Variants in COL23A1 observed in about 807,000 individuals in gnomAD.
COL23A1 encodes collagen alpha-1(XXIII) chain.
In COL23A1, 97 loss-of-function variants were observed where a neutral mutation model predicts 99.3. The ratio of observed to expected loss-of-function variants is 0.98; its 90% confidence interval spans 0.83 to 1.16. COL23A1 has a LOEUF of 1.16. Among genes scored for constraint, COL23A1 ranks in the 50% most tolerant of loss-of-function variants. The pLI, the probability that COL23A1 is intolerant of heterozygous loss-of-function variation, is 0.00. For missense variants in COL23A1, 762 were observed against 757.4 expected, an observed-to-expected ratio of 1.01 and a Z score of -0.07; for synonymous variants, 320 against 308.2, an observed-to-expected ratio of 1.04 and a Z score of -0.40.
chr5:178,441,865 A>G (rs189815326), intron 2 of COL23A1, among the ~76,000 whole-genome samples: 30 of 152,152 alleles, frequency 2.0e-4, no homozygotes, highest in African/African-American at 6.7e-4. Flanking sequence ...AATGAAGGAA[A>G]CCTGTGGGCC....
chr5:178,367,146 G>T (rs1172654561), intron 2 of COL23A1, among the ~76,000 whole-genome samples: 1 of 152,208 alleles, frequency 6.6e-6, no homozygotes, highest in South Asian at 2.1e-4. Context: ...ATCGTTATCT[G>T]AGGGTATCAC....
rs752890318 is a variant in COL23A1 at position 178,242,062 on chromosome 5, GGCCT to G, written c.1557_1560del (p.Gly520TrpfsTer47). Reference sequence around the variant, plus strand: ...CCTACCACGGGACACGGCTGGTCCAGGCCTGGTGGTCCCGGCTCGCCCTTCTGGC... The same window carrying G: ...CCTACCACGGGACACGGCTGGTCCAGGGTGGTCCCGGCTCGCCCTTCTGGC... On this transcript the variant is annotated frameshift_variant, in exon 27 of 29. Transcript: ENST00000390654. LOFTEE classifies it high-confidence loss of function. 6 of 1,554,798 alleles carry G rather than the reference GGCCT, an allele frequency of 3.9e-6. No individual in the cohort carries two copies. In the South Asian group the frequency reaches 5.9e-5, roughly 15 times the overall value.
chr5:178,530,700 T>A (rs1382876046), intron 2 of COL23A1, among the ~76,000 whole-genome samples: 1 of 151,104 alleles, frequency 6.6e-6, no homozygotes, highest in Non-Finnish European at 1.5e-5. Context: ...TCCCTCCGGC[T>A]GAGGTCCCTG....
chr5:178,559,508 G>A (rs1017264579), intron 2 of COL23A1, among the ~76,000 whole-genome samples: 28 of 147,014 alleles, frequency 1.9e-4, no homozygotes, highest in African/African-American at 6.2e-4. Context: ...CCTGCACATC[G>A]AGAAGTCTGA....
intron 2 of COL23A1, among the ~76,000 whole-genome samples, chr5:178,489,517 AT>A (rs1757814883): frequency 6.6e-6 from 1 of 152,164 alleles, no homozygotes; most frequent in South Asian, 2.1e-4. Flanking sequence ...TCTCTTTCAC[AT>A]GTATCCTGTT....
chr5:178,318,764 T>C (rs1171323607), intron 2 of COL23A1, among the ~76,000 whole-genome samples: 1 of 151,968 alleles, frequency 6.6e-6, no homozygotes, highest in Non-Finnish European at 1.5e-5. Flanking sequence ...TAGCCGGGTG[T>C]GGTGGCGGGC....
intron 2 of COL23A1, among the ~76,000 whole-genome samples, chr5:178,360,929 C>T (rs1043086995): frequency 6.6e-6 from 1 of 152,138 alleles, no homozygotes; most frequent in African/African-American, 2.4e-5. Flanking sequence ...CAGGCCAACA[C>T]GACGCTGAAG....
At chr5:178,588,337 G>C (rs139680107) in intron 1 of COL23A1, among the ~76,000 whole-genome samples, 1 of 152,326 alleles carries the variant, frequency 6.6e-6, no homozygotes, top group African/African-American at 2.4e-5. Flanking sequence ...GACACAATTT[G>C]TAGTTCCTTG....
intron 2 of COL23A1, among the ~76,000 whole-genome samples, chr5:178,515,803 C>T (rs1370745581): frequency 1.3e-5 from 2 of 152,136 alleles, no homozygotes; most frequent in Non-Finnish European, 2.9e-5. Flanking sequence ...CACTCGCCTG[C>T]TCTCCTTCCC....
At chr5:178,550,663 G>A (rs1012098201) in intron 2 of COL23A1, among the ~76,000 whole-genome samples, 6 of 152,104 alleles carry the variant, frequency 3.9e-5, no homozygotes, top group African/African-American at 1.4e-4. Flanking sequence ...AAGAAGTCAG[G>A]TAAGAAGCCA....
At chr5:178,357,885 G>GTGTGTGTGTATGTGTGTCTAA (rs1761788905) in intron 2 of COL23A1, among the ~76,000 whole-genome samples, 6 of 103,656 alleles carry the variant, frequency 5.8e-5, no homozygotes, top group Middle Eastern at 0.013. Flanking sequence ...GCATGTGTAC[G>GTGTGTGTGTATGTGTGTCTAA]TGTGTGTGTA....
chr5:178,526,034 G>A (rs534699427), intron 2 of COL23A1, among the ~76,000 whole-genome samples: 3 of 152,384 alleles, frequency 2.0e-5, no homozygotes, highest in East Asian at 1.9e-4. Context: ...CAGGCCCAGC[G>A]GAGGCGAGTG....
At position 178,544,952 on chromosome 5, in the gene COL23A1, T is replaced by C. The variant is rs181369038; in HGVS notation, c.361+15730A>G. Among the ~76,000 whole-genome samples, 19 of 152,048 alleles carry C rather than the reference T, an allele frequency of 1.2e-4. No individual in the cohort carries two copies. Among genetic ancestry groups the C allele is most frequent in the African/African-American group, 4.6e-4 (19 of 41,462 alleles). ...AAAATTAACAAAATTTAGCCAGGTGTGGTGGCACGTGCCTGTAGTCCCAGC... is the reference window on the plus strand; with the variant it reads ...AAAATTAACAAAATTTAGCCAGGTGCGGTGGCACGTGCCTGTAGTCCCAGC... On this transcript the variant is annotated intron_variant, in intron 2 of 28. Coordinates refer to ENST00000390654, the MANE Select transcript of COL23A1 (RefSeq NM_173465.4). This position sits in a 1 kb window ranked among gnomAD's most constrained non-coding sequence, Gnocchi z 4.4.
At position 178,521,485 on chromosome 5, in the gene COL23A1, G is replaced by A. The variant is rs190623483; in HGVS notation, c.361+39197C>T. On this transcript the variant is annotated intron_variant, in intron 2 of 28. Transcript: ENST00000390654. ...GGAGAATGGTGTGAACCCAGCAGGCGGAGCTTGCAGTGAGCCGAGATGGCG... is the reference window on the plus strand; with the variant it reads ...GGAGAATGGTGTGAACCCAGCAGGCAGAGCTTGCAGTGAGCCGAGATGGCG... 1.6e-3 allele frequency among the ~76,000 whole-genome samples: 238 copies of A among 151,884 alleles called. 4 individuals carry two copies. The highest frequency in any genetic ancestry group is 6.8e-3 in the Middle Eastern group (2 of 294).
At position 178,374,103 on chromosome 5, in the gene COL23A1, G is replaced by T. The variant is rs73349035; in HGVS notation, c.362-67184C>A. The stretch of plus-strand genomic sequence containing the variant: ...CGCAAGGGTACAATTCTCAGCACAC[G>T]CCAGCTTCTACCAAGATGGAGACAG... On this transcript the variant is annotated intron_variant, in intron 2 of 28. Transcript: ENST00000390654. Among the ~76,000 whole-genome samples, 651 of 152,308 alleles carry T rather than the reference G, an allele frequency of 4.3e-3. 4 individuals carry two copies. Among genetic ancestry groups the T allele is most frequent in the African/African-American group, 0.015 (621 of 41,560 alleles).
At chr5:178,497,303 C>T (rs1234914945) in intron 2 of COL23A1, among the ~76,000 whole-genome samples, 1 of 152,204 alleles carries the variant, frequency 6.6e-6, no homozygotes, top group Non-Finnish European at 1.5e-5. Context: ...GCAAAGGAAA[C>T]TGGGCTGGAA....
chr5:178,273,308 T>G (rs968087796), intron 5 of COL23A1, among the ~76,000 whole-genome samples: 2 of 152,242 alleles, frequency 1.3e-5, no homozygotes, highest in Admixed American at 6.5e-5. Flanking sequence ...GCAGGCCTCC[T>G]GCCTCCTGAG....
At chr5:178,270,294 GC>G (rs767826831) in intron 6 of COL23A1, 42 bp downstream of exon 6, 14 of 1,612,604 alleles carry the variant, frequency 8.7e-6, no homozygotes, top group African/African-American at 6.7e-5. Flanking sequence ...CACGGTGGCA[GC>G]CCCAGCCCAG....
In COL23A1 at chr5:178,426,544, C is replaced by G. The variant is rs556228295; in HGVS notation, c.362-119625G>C. On this transcript the variant is annotated intron_variant, in intron 2 of 28. Transcript: ENST00000390654. ...CTGCCATCCGGGCGCAGATCCTGCT[C>G]TGGCTGTGGTCCATCCCTGTAGATG... Among the ~76,000 whole-genome samples, 11 of 152,352 alleles carry G rather than the reference C, an allele frequency of 7.2e-5. No homozygotes were observed. In the East Asian group the frequency reaches 2.1e-3, roughly 29 times the overall value.
Sources: allele counts gnomAD v4.1 joint callset (sites outside exome capture counted in the v4.1 genomes callset), GRCh38; gene constraint gnomAD v4.1.1; non-coding constraint Gnocchi (gnomAD v3.1); transcripts MANE v1.5; gene names NCBI Gene and HGNC (gene_info 2026-07-23, HGNC 2026-07-21).